The following APBA3 variants were observed in gnomAD, a reference collection of about 807,000 sequenced individuals.
The protein encoded by APBA3 is amyloid beta precursor protein binding family A member 3.
Under a neutral mutation model 55.9 loss-of-function variants are expected in APBA3, and 45 were observed. That is an observed-to-expected ratio of 0.80 (90% CI 0.63 to 1.03). APBA3 has a LOEUF of 1.03. Among genes scored for constraint, APBA3 ranks in the 50% least tolerant of loss-of-function variants. APBA3 has a pLI of 0.00. For synonymous variants in APBA3, 370 were observed against 353.3 expected, an observed-to-expected ratio of 1.05 and a Z score of -0.53; for missense variants, 865 against 820.3, an observed-to-expected ratio of 1.05 and a Z score of -0.67.
chr19:3,753,008 G>C lies in APBA3; in HGVS notation c.1012-18C>G. The C allele has an allele frequency of 6.2e-7, 1 of 1,607,196 alleles. No homozygotes were observed. Among genetic ancestry groups the C allele is most frequent in the Non-Finnish European group, 8.5e-7 (1 of 1,179,434 alleles). ...AGCTGGGCCTGCGGGGAGGAGTGGC[G>C]CGTCCCTGGGGTGTCCCACCCACCT... On this transcript the variant is annotated intron_variant, in intron 6 of 10. Transcript: ENST00000316757.
Position 3,751,456 on chromosome 19 carries a change from C to T in APBA3, c.1493G>A (p.Gly498Asp). The T allele has an allele frequency of 6.5e-7, 1 of 1,547,428 alleles. No homozygotes were observed. The highest frequency in any genetic ancestry group is 1.4e-5 in the African/African-American group (1 of 73,238). ...CACGATGCCGTCCTCCACGCAGAAG[C>T]CCAGCTGCTCGCGGGCGTGGGGCCG... The part of the protein sequence containing the change: ...IHRPHAREQL[G>D]FCVEDGIICS... Residue 498 changes from glycine (G) to aspartate (D), a missense_variant, in exon 9 of 11, where the codon GGC (glycine) becomes GAC (aspartate). By Grantham distance (94) the Gly-to-Asp change is moderately conservative. Transcript: ENST00000316757.
At position 3,751,209 on chromosome 19, in the gene APBA3, G is replaced by A. The variant is rs1336459269; in HGVS notation, c.1636C>T (p.Leu546Phe). 1.9e-6 allele frequency: 3 copies of A among 1,552,132 alleles called. No homozygotes were observed. The highest frequency in any genetic ancestry group is 2.6e-6 in the Non-Finnish European group (3 of 1,149,120). ...ATPHARIIEL[L>F]TEAYGEVHIK... ...CACACCTCGCCATAGGCCTCGGTGA[G>A]CAGCTCGATGATGCGGGCGTGTGGC... The change falls in exon 10 of 11, where the codon CTC becomes TTC. Residue 546 changes from leucine to phenylalanine, a missense_variant. Transcript: ENST00000316757.
chr19:3,752,588 T>C lies in APBA3; in HGVS notation c.1315A>G (p.Ser439Gly). 1 of 1,587,510 alleles carries C rather than the reference T, an allele frequency of 6.3e-7. No individual in the cohort carries two copies. The highest frequency in any genetic ancestry group is 8.5e-7 in the Non-Finnish European group (1 of 1,171,978). ...ATGGCGGTCAGGCGGTCCCCGATGC[T>C]GAGGGCCCCCGAGCGCTCAGCAGGC... The part of the protein sequence containing the change: ...GGPAERSGAL[S>G]IGDRLTAING... The change falls in exon 8 of 11, where the codon AGC becomes GGC. Residue 439 changes from serine to glycine, a missense_variant. Physicochemically the swap from Ser to Gly is moderately conservative, Grantham distance 56 (BLOSUM62 0). Coordinates refer to ENST00000316757, the MANE Select transcript of APBA3 (RefSeq NM_004886.4).
At position 3,751,317 on chromosome 19, in the gene APBA3, G is replaced by C; in HGVS notation, c.1528C>G (p.Leu510Val). 6.5e-7 allele frequency: 1 copy of C among 1,537,244 alleles called. No homozygotes were observed. Among genetic ancestry groups the C allele is most frequent in the South Asian group, 1.2e-5 (1 of 83,764 alleles). Residue 510 changes from leucine to valine, a missense_variant, in exon 10 of 11, where the codon CTC (leucine) becomes GTC (valine). Leu to Val is a conservative substitution (Grantham distance 32). Transcript: ENST00000316757. ...CVEDGIICSL[L>V]RGGIAERGGI... Reference sequence around the variant, plus strand: ...CCACGCTCGGCGATGCCACCACGGAGGAGGCTGCAGATCTGGGGGAGAAAA... The same window carrying C: ...CCACGCTCGGCGATGCCACCACGGACGAGGCTGCAGATCTGGGGGAGAAAA...
At chr19:3,761,467 T>TA (rs1239806530) in intron 1 of APBA3, 69 bp downstream of exon 1, 1 of 152,662 alleles carries the variant, frequency 6.6e-6, no homozygotes, top group Non-Finnish European at 1.5e-5. Context: ...GCCCAGACCC[T>TA]AGTCCCCCCT....
At chr19:3,752,775 G>C in intron 7 of APBA3, 45 bp downstream of exon 7, 3 of 1,609,268 alleles carry the variant, frequency 1.9e-6, no homozygotes, top group African/African-American at 1.3e-5. Flanking sequence ...GCAGGTGCAC[G>C]GGTGTGGGGG....
intron 8 of APBA3, chr19:3,751,896 T>A: frequency 3.3e-6 from 1 of 302,728 alleles, no homozygotes; most frequent in Middle Eastern, 9.8e-4. Flanking sequence ...AGTTTCCCCA[T>A]CTGAGCAACA....
Position 3,751,490 on chromosome 19 carries a change from T to C in APBA3, c.1459A>G (p.Ile487Val). 3 of 1,577,982 alleles carry C rather than the reference T, an allele frequency of 1.9e-6. No individual in the cohort carries two copies. Among genetic ancestry groups the C allele is most frequent in the Non-Finnish European group, 2.6e-6 (3 of 1,165,554 alleles). ...TCGCGGGCGTGGGGCCGGTGGATGA[T>C]GGCGGTGGTGACGGGAGGGCAGTGG... The part of the protein sequence containing the change: ...IVHCPPVTTA[I>V]IHRPHAREQL... The change falls in exon 9 of 11, where the codon ATC becomes GTC. Residue 487 changes from isoleucine to valine, a missense_variant. Coordinates refer to ENST00000316757, the MANE Select transcript of APBA3 (RefSeq NM_004886.4).
chr19:3,760,746 C>CAAA (rs34046514), intron 1 of APBA3, among the ~76,000 whole-genome samples: 21 of 116,780 alleles, frequency 1.8e-4, no homozygotes, highest in African/African-American at 5.1e-4. Context: ...AGACTATCTC[C>CAAA]AAAAAAAAAA....
In APBA3 at chr19:3,752,625, C is replaced by T. The variant is rs1194018714; in HGVS notation, c.1278G>A (p.Leu426=). The T allele has an allele frequency of 6.3e-7, 1 of 1,588,190 alleles. No individual in the cohort carries two copies. The highest frequency in any genetic ancestry group is 1.1e-5 in the South Asian group (1 of 88,996). Reference sequence around the variant, plus strand: ...AGCGCTCAGCAGGCCCCCCGTGCAGCAGGTTGGCGATGACGGCTGTGGGCA... The same window carrying T: ...AGCGCTCAGCAGGCCCCCCGTGCAGTAGGTTGGCGATGACGGCTGTGGGCA... ...SLLPTAVIAN[L]LHGGPAERSG... Residue 426 remains leucine, a synonymous_variant, in exon 8 of 11, where the codon CTG becomes CTA. Transcript: ENST00000316757.
intron 8 of APBA3, 37 bp from the exon 9 acceptor site, chr19:3,751,590 G>A (rs754612089): frequency 1.3e-5 from 21 of 1,557,372 alleles, no homozygotes; most frequent in South Asian, 4.7e-5. Context: ...CTCAGCTGCC[G>A]GACAGCCTGG....
chr19:3,752,854 A>G lies in APBA3; in HGVS notation c.1148T>C (p.Leu383Pro). ...PGACHLHNGDLDHFSNSDNCR... is the reference protein window; with the variant it reads ...PGACHLHNGDPDHFSNSDNCR... ...GTTGTCACTGTTGGAGAAGTGGTCC[A>G]GGTCCCCATTATGGAGGTGGCAGGC... Residue 383 changes from leucine to proline, a missense_variant, in exon 7 of 11, where the codon CTG becomes CCG. Leu to Pro is a moderately conservative substitution (Grantham distance 98). Transcript: ENST00000316757. 1.2e-6 allele frequency: 2 copies of G among 1,613,364 alleles called. No individual in the cohort carries two copies. The highest frequency in any genetic ancestry group is 1.1e-5 in the South Asian group (1 of 91,076).
chr19:3,754,357 A>G lies in APBA3; in HGVS notation c.617-17T>C. 6.4e-7 allele frequency: 1 copy of G among 1,552,486 alleles called. No individual in the cohort carries two copies. Among genetic ancestry groups the G allele is most frequent in the Non-Finnish European group, 8.7e-7 (1 of 1,152,012 alleles). On this transcript the variant is annotated splice_polypyrimidine_tract_variant and intron_variant, in intron 3 of 10. Coordinates refer to ENST00000316757, the MANE Select transcript of APBA3 (RefSeq NM_004886.4). Reference sequence around the variant, plus strand: ...GACCAGGCACTGAGGGCGACAGCGAAGAGGGTCGGCCCCCAGGGGCCCACT... The same window carrying G: ...GACCAGGCACTGAGGGCGACAGCGAGGAGGGTCGGCCCCCAGGGGCCCACT...
rs1025136378 is a variant in APBA3, at chr19:3,754,166, T to TGCCC, written c.762+25_762+28dup. The TGCCC allele has an allele frequency of 7.1e-6, 11 of 1,545,588 alleles. 1 individual carries two copies. Among genetic ancestry groups the TGCCC allele is most frequent in the Middle Eastern group, 3.9e-4 (2 of 5,128 alleles). ...AGACCCAGCCTGCAGCCCACCCGCC[T>TGCCC]GCCCGCCCGGCCCCGGCCGCCCCCT... is the stretch of plus-strand genomic sequence containing the variant. On this transcript the variant is annotated intron_variant, in intron 4 of 10. Transcript: ENST00000316757.
Position 3,751,497 on chromosome 19 carries a change from G to T in APBA3, c.1452C>A (p.Thr484=). ...CGTGGGGCCGGTGGATGATGGCGGT[G>T]GTGACGGGAGGGCAGTGGACGATGC... ...TLSIVHCPPV[T]TAIIHRPHAR... Residue 484 remains threonine, a synonymous_variant, in exon 9 of 11, where the codon ACC becomes ACA. Transcript: ENST00000316757. 1 of 1,582,352 alleles carries T rather than the reference G, an allele frequency of 6.3e-7. No individual in the cohort carries two copies.
In APBA3 at chr19:3,752,691, G is replaced by A. The variant is rs897625446; in HGVS notation, c.1212C>T (p.Gly404=). The stretch of plus-strand genomic sequence containing the variant: ...CCGACTCCACCAGGGCCACGCCCAG[G>A]CCCTCCCCTCGCCGCTTCTCGAGGT... The part of the protein sequence containing the change: ...EVHLEKRRGE[G]LGVALVESGW... Residue 404 remains glycine, a synonymous_variant, in exon 8 of 11, where the codon GGC becomes GGT. Transcript: ENST00000316757. 1.9e-6 allele frequency: 3 copies of A among 1,595,002 alleles called. No homozygotes were observed. The highest frequency in any genetic ancestry group is 2.6e-6 in the Non-Finnish European group (3 of 1,175,494).
At chr19:3,755,887 T>A (rs2037075378) in intron 3 of APBA3, 1 of 151,794 alleles carries the variant, frequency 6.6e-6, no homozygotes, top group Non-Finnish European at 1.5e-5. Flanking sequence ...GCTCTGCCAG[T>A]GGCCCTAGAA....
intron 3 of APBA3, among the ~76,000 whole-genome samples, chr19:3,759,234 A>G (rs555891204): frequency 7.2e-5 from 11 of 152,254 alleles, no homozygotes; most frequent in South Asian, 4.1e-4. Flanking sequence ...AAAAGTAAAG[A>G]AGCCCCAAAC....
Position 3,754,335 on chromosome 19 carries a change from C to G in APBA3, c.622G>C (p.Gly208Arg). ...AGGAGGTCTTCATGGTCACAGGGACCAGGCACTGAGGGCGACAGCGAAGAG... is the reference window on the plus strand; with the variant it reads ...AGGAGGTCTTCATGGTCACAGGGACGAGGCACTGAGGGCGACAGCGAAGAG... Reference protein sequence around the residue: ...ASYPAPQEVPGPCDHEDLLDG... With the variant: ...ASYPAPQEVPRPCDHEDLLDG... The change falls in exon 4 of 11, where the codon GGT (glycine) becomes CGT (arginine). Residue 208 changes from glycine (G) to arginine (R), a missense_variant. Physicochemically the swap from Gly to Arg is moderately radical, Grantham distance 125 (BLOSUM62 -2). Transcript: ENST00000316757. 6.4e-7 allele frequency: 1 copy of G among 1,558,748 alleles called. No individual in the cohort carries two copies. The highest frequency in any genetic ancestry group is 1.2e-5 in the South Asian group (1 of 84,226).
Sources: gnomAD v4.1 joint callset for allele counts (sites outside exome capture counted in the v4.1 genomes callset) on GRCh38, gnomAD v4.1.1 for gene constraint, MANE v1.5 for transcripts, NCBI Gene and HGNC (gene_info 2026-07-23, HGNC 2026-07-21) for gene names.